The following ZNF385D variants were observed in gnomAD, a reference collection of about 807,000 sequenced individuals.
ZNF385D encodes the protein zinc finger protein 385D.
Under a neutral mutation model 35.8 loss-of-function variants are expected in ZNF385D, and 15 were observed. That is an observed-to-expected ratio of 0.42 (90% CI 0.28 to 0.64). The LOEUF (loss-of-function observed/expected upper bound fraction) is 0.64, where lower values mean the gene tolerates loss of function less well. Among genes scored for constraint, ZNF385D ranks in the 30% least tolerant of loss-of-function variants. The pLI, the probability that ZNF385D is intolerant of heterozygous loss-of-function variation, is 0.23. For missense variants in ZNF385D, 474 were observed against 494.6 expected (o/e 0.96, Z 0.39); for synonymous variants, 212 against 186.8 (o/e 1.13, Z -1.10).
chr3:21,897,026 A>G (rs1575861276), intron 3 of ZNF385D, among the ~76,000 whole-genome samples: 1 of 152,128 alleles, frequency 6.6e-6, no homozygotes, highest in East Asian at 1.9e-4. Flanking sequence ...AGTCCTTGAA[A>G]GGCAGTCATG....
intron 2 of ZNF385D, among the ~76,000 whole-genome samples, chr3:22,319,255 T>C (rs569616433): frequency 1.3e-5 from 2 of 152,220 alleles, no homozygotes; most frequent in South Asian, 2.1e-4. Flanking sequence ...AACTGGAACA[T>C]TTGAAGTATT....
chr3:21,742,095 C>G (rs141244729), intron 1 of ZNF385D, among the ~76,000 whole-genome samples: 5 of 152,264 alleles, frequency 3.3e-5, no homozygotes, highest in African/African-American at 1.2e-4. Context: ...ATTCACTTGG[C>G]TTTTCACACC....
chr3:22,124,389 T>C (rs529985332), intron 3 of ZNF385D, among the ~76,000 whole-genome samples: 1 of 152,322 alleles, frequency 6.6e-6, no homozygotes, highest in South Asian at 2.1e-4. Context: ...GCAAAAATCA[T>C]GGGAGTGCAG....
intron 2 of ZNF385D, among the ~76,000 whole-genome samples, chr3:21,625,140 A>G (rs1408528028): frequency 1.3e-5 from 2 of 152,062 alleles, no homozygotes; most frequent in Non-Finnish European, 2.9e-5. Context: ...GCAGACCCCA[A>G]TAGTCGGTAA....
intron 2 of ZNF385D, among the ~76,000 whole-genome samples, chr3:22,212,577 A>C (rs1697594476): frequency 6.6e-6 from 1 of 151,972 alleles, no homozygotes. Flanking sequence ...TCATTAAACA[A>C]ATCAAGCTTA....
At chr3:21,448,754 C>T (rs390039) in intron 4 of ZNF385D, among the ~76,000 whole-genome samples, 97,497 of 151,346 alleles carry the variant, frequency 0.64, 31,650 homozygotes, top group African/African-American at 0.71. Context: ...CTCCAGAAAC[C>T]ACATAAACTA....
chr3:21,726,671 A>G (rs761774398), intron 1 of ZNF385D, among the ~76,000 whole-genome samples: 3 of 152,212 alleles, frequency 2.0e-5, no homozygotes, highest in Non-Finnish European at 4.4e-5. Context: ...GAAATAAGAG[A>G]GGATGAAAAC....
intron 3 of ZNF385D, among the ~76,000 whole-genome samples, chr3:21,516,263 G>A (rs999627146): frequency 4.6e-5 from 7 of 152,148 alleles, no homozygotes; most frequent in Non-Finnish European, 7.3e-5. Flanking sequence ...GCAGTACGAC[G>A]GTGTCAGTGA....
intron 2 of ZNF385D, among the ~76,000 whole-genome samples, chr3:22,328,737 G>T (rs911733782): frequency 6.6e-6 from 1 of 150,706 alleles, no homozygotes; most frequent in African/African-American, 2.4e-5. Flanking sequence ...ACTCAAGCCT[G>T]GTGACACAGC....
At chr3:21,669,399 A>C (rs970915853) in intron 1 of ZNF385D, among the ~76,000 whole-genome samples, 1 of 152,226 alleles carries the variant, frequency 6.6e-6, no homozygotes, top group Non-Finnish European at 1.5e-5. Context: ...TAGAATAAAC[A>C]TAATAAATGT....
intron 3 of ZNF385D, among the ~76,000 whole-genome samples, chr3:22,165,491 T>C (rs1706252458): frequency 1.3e-5 from 2 of 152,166 alleles, no homozygotes; most frequent in African/African-American, 2.4e-5. Context: ...AGCAAAATCA[T>C]GTGGGAAAAT....
chr3:21,851,819 T>C (rs1696404618), intron 3 of ZNF385D, among the ~76,000 whole-genome samples: 1 of 151,954 alleles, frequency 6.6e-6, no homozygotes, highest in Non-Finnish European at 1.5e-5. Context: ...TTCTCTAATA[T>C]TGGGGTCCAG....
Position 22,107,026 on chromosome 3 carries a change from G to GTTTTTTTTTTTTTTTTTTTT in ZNF385D, c.325+61790_325+61791insAAAAAAAAAAAAAAAAAAAA, listed in dbSNP as rs10676871. Reference sequence around the variant, plus strand: ...TTTATGCAAAAACTTTGGAATGAGAGTTTTTTTTTTTTTTTTAGACAGAGT... The same window carrying GTTTTTTTTTTTTTTTTTTTT: ...TTTATGCAAAAACTTTGGAATGAGAGTTTTTTTTTTTTTTTTTTTTTTTTTTTTTTTTTTTTAGACAGAGT... On this transcript the variant is annotated intron_variant, in intron 3 of 5. Coordinates refer to the ZNF385D transcript ENST00000494108. Among the ~76,000 whole-genome samples the GTTTTTTTTTTTTTTTTTTTT allele has an allele frequency of 5.6e-4, 67 of 118,814 alleles. 7 individuals carry two copies. The highest frequency in any genetic ancestry group is 8.7e-4 in the East Asian group (4 of 4,572). The allele number at this position is 118,814 out of a possible 152,430, so 77.9% of individuals were successfully genotyped here. A position where few individuals can be genotyped will look rare whatever the true frequency, so the allele number is the denominator to read the frequency against.
intron 3 of ZNF385D, among the ~76,000 whole-genome samples, chr3:21,900,756 A>G (rs1346203183): frequency 6.6e-6 from 1 of 152,186 alleles, no homozygotes; most frequent in Non-Finnish European, 1.5e-5. Context: ...AAGAAAAATA[A>G]TTCATTGTGA....
chr3:22,154,777 T>C (rs1705481551), intron 3 of ZNF385D, among the ~76,000 whole-genome samples: 1 of 152,216 alleles, frequency 6.6e-6, no homozygotes, highest in African/African-American at 2.4e-5. Flanking sequence ...TAAGAGTAAG[T>C]AATGCAGGAA....
At chr3:22,324,791 G>GA (rs1694600957) in intron 2 of ZNF385D, among the ~76,000 whole-genome samples, 1 of 152,126 alleles carries the variant, frequency 6.6e-6, no homozygotes, top group Non-Finnish European at 1.5e-5. Context: ...TGTCCCCTTT[G>GA]ACCCTCTACC....
intron 2 of ZNF385D, among the ~76,000 whole-genome samples, chr3:22,211,431 T>C (rs1469614830): frequency 2.6e-5 from 4 of 151,894 alleles, no homozygotes; most frequent in Non-Finnish European, 4.4e-5. Context: ...AGGTCACAGA[T>C]CTCATTTGTG....
intron 4 of ZNF385D, chr3:21,441,776 C>T (rs966479943): frequency 2.7e-5 from 26 of 977,148 alleles, no homozygotes; most frequent in East Asian, 1.1e-4. Context: ...AAACGATTCG[C>T]TTTTCTTACT....
At chr3:21,910,084 T>TACACACACACACACACACAC (rs112815077) in intron 3 of ZNF385D, among the ~76,000 whole-genome samples, 6,425 of 149,244 alleles carry the variant, frequency 0.043, 207 homozygotes, top group South Asian at 0.15. Flanking sequence ...ACATATATTT[T>TACACACACACACACACACAC]ACACACACAC....
Sources: gnomAD v4.1 joint callset for allele counts (sites outside exome capture counted in the v4.1 genomes callset) on GRCh38, gnomAD v4.1.1 for gene constraint, MANE v1.5 for transcripts, NCBI Gene and HGNC (gene_info 2026-07-23, HGNC 2026-07-21) for gene names.